AUTS2: variants seen among roughly 807,000 people sequenced by gnomAD.
AUTS2 encodes the protein autism susceptibility gene 2 protein.
A neutral mutation model predicts 112.4 loss-of-function variants in AUTS2; 17 were observed. The ratio of observed to expected loss-of-function variants is 0.15; its 90% CI spans 0.10 to 0.23. The LOEUF (loss-of-function observed/expected upper bound fraction) is 0.23, where lower values mean the gene tolerates loss of function less well. Among genes scored for constraint, AUTS2 ranks in the 10% least tolerant of loss-of-function variants. The pLI, the probability that AUTS2 is intolerant of heterozygous loss-of-function variation, is 1.00. For synonymous variants in AUTS2, 751 were observed against 702.7 expected (o/e 1.07, Z -1.09); for missense variants, 1,510 against 1,701.6 (o/e 0.89, Z 1.98).
chr7:70,403,736 G>T (rs1794419007), intron 4 of AUTS2, among the ~76,000 whole-genome samples: 1 of 152,240 alleles, frequency 6.6e-6, no homozygotes, highest in African/African-American at 2.4e-5. Flanking sequence ...ACATAAGGAA[G>T]GCTTGGCAGA....
chr7:70,254,065 T>C (rs1417994711), intron 4 of AUTS2, among the ~76,000 whole-genome samples: 3 of 152,168 alleles, frequency 2.0e-5, no homozygotes, highest in Admixed American at 6.5e-5. Context: ...GAGTATTGCT[T>C]ACTTTCTGTC....
intron 2 of AUTS2, among the ~76,000 whole-genome samples, chr7:69,931,785 T>A (rs1325275757): frequency 6.6e-6 from 1 of 152,166 alleles, no homozygotes; most frequent in Non-Finnish European, 1.5e-5. Flanking sequence ...TTTATAAAAC[T>A]CTGTTCAAGA....
intron 8 of AUTS2, 116 bp from the exon 9 acceptor site, chr7:70,765,998 C>T: frequency 6.7e-7 from 1 of 1,484,730 alleles, no homozygotes; most frequent in Non-Finnish European, 9.0e-7. Flanking sequence ...AGGGCCCAGC[C>T]ACACCCTGTC....
intron 2 of AUTS2, among the ~76,000 whole-genome samples, chr7:70,075,950 C>T (rs1381160742): frequency 6.6e-6 from 1 of 152,184 alleles, no homozygotes; most frequent in African/African-American, 2.4e-5. Context: ...CATACAGTCT[C>T]TGGTACAGCT....
intron 6 of AUTS2, among the ~76,000 whole-genome samples, chr7:70,745,614 G>T (rs1379702017): frequency 6.6e-6 from 1 of 152,272 alleles, no homozygotes; most frequent in South Asian, 2.1e-4. Flanking sequence ...GGAGCGTGCA[G>T]ACCACAGGCG....
At chr7:69,649,460 C>T (rs1228017295) in intron 1 of AUTS2, among the ~76,000 whole-genome samples, 2 of 152,030 alleles carry the variant, frequency 1.3e-5, no homozygotes, top group Non-Finnish European at 2.9e-5. Flanking sequence ...GCCAACAACC[C>T]GTGGTCCAGT....
intron 1 of AUTS2, among the ~76,000 whole-genome samples, chr7:69,894,831 G>A (rs572203638): frequency 1.3e-5 from 2 of 152,206 alleles, no homozygotes; most frequent in South Asian, 4.1e-4. Context: ...ATTTGCTCAT[G>A]CTTTCCTTGC....
At chr7:70,734,664 CAG>C (rs1180917416) in intron 6 of AUTS2, among the ~76,000 whole-genome samples, 9 of 152,052 alleles carry the variant, frequency 5.9e-5, no homozygotes, top group Non-Finnish European at 1.5e-5. Flanking sequence ...ATAGATTAGT[CAG>C]AGTTTCCAGA....
At chr7:69,641,723 A>G (rs1172195246) in intron 1 of AUTS2, among the ~76,000 whole-genome samples, 1 of 152,224 alleles carries the variant, frequency 6.6e-6, no homozygotes, top group African/African-American at 2.4e-5. Context: ...GAATTCAACA[A>G]TTCTGCATCA....
chr7:70,490,534 C>T (rs1798190594), intron 5 of AUTS2, among the ~76,000 whole-genome samples: 2 of 152,008 alleles, frequency 1.3e-5, no homozygotes, highest in African/African-American at 4.8e-5. Flanking sequence ...GTACACAGCC[C>T]AGTTGACTGC....
intron 2 of AUTS2, among the ~76,000 whole-genome samples, chr7:69,938,515 A>G (rs938479678): frequency 6.6e-6 from 1 of 152,254 alleles, no homozygotes; most frequent in Non-Finnish European, 1.5e-5. Flanking sequence ...TGTATCCACC[A>G]TTGTGAGATT....
intron 10 of AUTS2, among the ~76,000 whole-genome samples, chr7:70,769,666 C>T (rs1051317977): frequency 6.6e-6 from 1 of 152,160 alleles, no homozygotes; most frequent in Non-Finnish European, 1.5e-5. Context: ...GCCTGGGCGA[C>T]TGAGCAAGAC....
chr7:70,238,068 A>C (rs1812418159), intron 4 of AUTS2, among the ~76,000 whole-genome samples: 1 of 152,202 alleles, frequency 6.6e-6, no homozygotes, highest in African/African-American at 2.4e-5. Context: ...ATAACCATTA[A>C]ATTTCCTGTG....
intron 2 of AUTS2, among the ~76,000 whole-genome samples, chr7:69,906,015 A>G (rs1228650036): frequency 1.3e-5 from 2 of 152,168 alleles, no homozygotes; most frequent in East Asian, 3.9e-4. Context: ...GGCCATTTAA[A>G]TCCCATATAT....
Position 69,854,547 on chromosome 7 carries a change from G to T in AUTS2, c.310-44739G>T, listed in dbSNP as rs543295037. On this transcript the variant is annotated intron_variant, in intron 1 of 18. Coordinates refer to ENST00000342771, the MANE Select transcript of AUTS2 (RefSeq NM_015570.4). ...ATTGCTAGTTTCTTTTAGTGCCATAGTGGTTTTATCTGTCAGCGTGTCTGT... is the reference window on the plus strand; with the variant it reads ...ATTGCTAGTTTCTTTTAGTGCCATATTGGTTTTATCTGTCAGCGTGTCTGT... Among the ~76,000 whole-genome samples, 6 of 152,168 alleles carry T rather than the reference G, an allele frequency of 3.9e-5. No homozygotes were observed. In the South Asian group the frequency reaches 1.0e-3, roughly 26 times the overall value.
intron 1 of AUTS2, among the ~76,000 whole-genome samples, chr7:69,633,418 A>C (rs1254567316): frequency 2.0e-5 from 3 of 152,154 alleles, no homozygotes; most frequent in Non-Finnish European, 4.4e-5. Flanking sequence ...GGGAGTGCAG[A>C]TATCTTTATA....
At chr7:70,377,255 A>T (rs1246990379) in intron 4 of AUTS2, among the ~76,000 whole-genome samples, 1 of 145,700 alleles carries the variant, frequency 6.9e-6, no homozygotes, top group African/African-American at 2.5e-5. Flanking sequence ...CATTGCAGAG[A>T]TCCTCATACT....
intron 4 of AUTS2, among the ~76,000 whole-genome samples, chr7:70,346,877 G>A (rs1791520843): frequency 6.6e-6 from 1 of 152,180 alleles, no homozygotes; most frequent in Admixed American, 6.5e-5. Context: ...GTAGAGATAA[G>A]TGGCTTTGTG....
intron 4 of AUTS2, among the ~76,000 whole-genome samples, chr7:70,366,836 A>G (rs1327183607): frequency 1.3e-5 from 2 of 152,200 alleles, no homozygotes; most frequent in African/African-American, 4.8e-5. Context: ...ATGGGAGAGT[A>G]TGTCCAATAC....
Sources: gnomAD v4.1 joint callset for allele counts (sites outside exome capture counted in the v4.1 genomes callset) on GRCh38, gnomAD v4.1.1 for gene constraint, MANE v1.5 for transcripts, NCBI Gene and HGNC (gene_info 2026-07-23, HGNC 2026-07-21) for gene names.